Variants in RBFOX1 observed in about 807,000 individuals in gnomAD.
The protein encoded by RBFOX1 is RNA binding fox-1 homolog 1.
In RBFOX1, 8 loss-of-function variants were observed where a neutral mutation model predicts 57.7. The ratio of observed to expected loss-of-function variants is 0.14; its 90% CI spans 0.08 to 0.25. The LOEUF (loss-of-function observed/expected upper bound fraction) is 0.25. Ranked by LOEUF, RBFOX1 falls within the 10% of genes least tolerant of loss-of-function variation. The pLI is 1.00. For missense variants in RBFOX1, 611 were observed against 548.5 expected, an observed-to-expected ratio of 1.11 and a Z score of -1.14; for synonymous variants, 326 against 222.4, an observed-to-expected ratio of 1.47 and a Z score of -4.15.
chr16:5,701,704 G>C (rs1431674209), intron 3 of RBFOX1, among the ~76,000 whole-genome samples: 1 of 152,128 alleles, frequency 6.6e-6, no homozygotes, highest in South Asian at 2.1e-4. Context: ...AAAATGCTGG[G>C]ACTACAGGTG....
intron 1 of RBFOX1, among the ~76,000 whole-genome samples, chr16:5,255,654 A>G (rs2062575139): frequency 6.6e-6 from 1 of 151,282 alleles, no homozygotes; most frequent in Non-Finnish European, 1.5e-5. Flanking sequence ...TCAACCATCC[A>G]TTCATTCGTC....
chr16:7,074,392 A>G (rs745428083), intron 4 of RBFOX1, among the ~76,000 whole-genome samples: 1 of 152,220 alleles, frequency 6.6e-6, no homozygotes, highest in Non-Finnish European at 1.5e-5. Context: ...AATTAAAATA[A>G]TGGCAAAAGC....
At chr16:7,005,434 A>G (rs1222038226) in intron 3 of RBFOX1, among the ~76,000 whole-genome samples, 4 of 152,206 alleles carry the variant, frequency 2.6e-5, no homozygotes, top group African/African-American at 9.7e-5. Context: ...AAAAAGAGAA[A>G]AGTTTCTGGG....
intron 3 of RBFOX1, among the ~76,000 whole-genome samples, chr16:5,810,058 A>C (rs2055365341): frequency 6.6e-6 from 1 of 152,162 alleles, no homozygotes; most frequent in Non-Finnish European, 1.5e-5. Context: ...CATCATTCTC[A>C]GTAAACTATC....
intron 3 of RBFOX1, among the ~76,000 whole-genome samples, chr16:6,738,079 TAAAA>T (rs60577324): frequency 7.1e-6 from 1 of 140,238 alleles, no homozygotes; most frequent in Non-Finnish European, 1.5e-5. Flanking sequence ...CGGTAATTCT[TAAAA>T]AAAAAAAAAA....
Position 7,589,912 on chromosome 16 carries a change from GGTGTGTGTGTGTGTGTGTGT to G in RBFOX1, c.468+2633_468+2652del, listed in dbSNP as rs3029164. Among the ~76,000 whole-genome samples the G allele has an allele frequency of 1.6e-4, 21 of 135,052 alleles. No individual in the cohort carries two copies. In the South Asian group the frequency reaches 4.3e-3, roughly 28 times the overall value. 88.6% of individuals were successfully genotyped at this position (135,052 alleles called of 152,430 possible). On this transcript the variant is annotated intron_variant, in intron 7 of 15. Transcript: ENST00000550418. ...TCAATGCTGAAGGCTGTGTGTGCTG[GGTGTGTGTGTGTGTGTGTGT>G]GTGTGTGTGTGTGTGTGTGTATGCG...
chr16:6,295,637 G>C (rs1192340063), intron 1 of RBFOX1, among the ~76,000 whole-genome samples: 1 of 152,198 alleles, frequency 6.6e-6, no homozygotes, highest in Non-Finnish European at 1.5e-5. Flanking sequence ...GTGTTTATGA[G>C]CGGTCTCATT....
At chr16:7,558,104 C>G (rs1170850377) in intron 5 of RBFOX1, among the ~76,000 whole-genome samples, 1 of 151,998 alleles carries the variant, frequency 6.6e-6, no homozygotes, top group Non-Finnish European at 1.5e-5. Context: ...CCTGTAATTC[C>G]AGCACTTTGG....
At chr16:7,513,146 C>T (rs1183112762) in intron 4 of RBFOX1, among the ~76,000 whole-genome samples, 3 of 152,128 alleles carry the variant, frequency 2.0e-5, no homozygotes, top group African/African-American at 7.2e-5. Context: ...GCCTGTAATC[C>T]TAGCTACTCA....
intron 3 of RBFOX1, among the ~76,000 whole-genome samples, chr16:6,670,874 C>G (rs1020046509): frequency 6.6e-6 from 1 of 151,876 alleles, no homozygotes; most frequent in Non-Finnish European, 1.5e-5. Context: ...GTGGCGGGAG[C>G]CTGTAGTCCC....
chr16:5,466,210 G>T (rs1322690861), intron 1 of RBFOX1, among the ~76,000 whole-genome samples: 1 of 152,232 alleles, frequency 6.6e-6, no homozygotes, highest in African/African-American at 2.4e-5. Flanking sequence ...GAAGAGTGAT[G>T]TGCTGGGCTC....
chr16:5,940,886 T>C (rs2059265179), intron 4 of RBFOX1, among the ~76,000 whole-genome samples: 1 of 152,172 alleles, frequency 6.6e-6, no homozygotes, highest in East Asian at 1.9e-4. Flanking sequence ...CATGTTGGGC[T>C]GTGTGTAAGA....
intron 3 of RBFOX1, among the ~76,000 whole-genome samples, chr16:6,703,315 C>T (rs4786919): frequency 0.49 from 74,983 of 151,952 alleles, 21,940 homozygotes; most frequent in Non-Finnish European, 0.63. Flanking sequence ...TAGCTTACAC[C>T]TGTGATCCAG....
intron 3 of RBFOX1, among the ~76,000 whole-genome samples, chr16:6,754,830 A>G (rs1281431883): frequency 1.3e-5 from 2 of 151,978 alleles, no homozygotes; most frequent in African/African-American, 2.4e-5. Flanking sequence ...CATTAGGTAT[A>G]TCTCCTAAAG....
intron 1 of RBFOX1, among the ~76,000 whole-genome samples, chr16:5,285,617 C>G (rs1371287196): frequency 1.3e-5 from 2 of 152,170 alleles, no homozygotes; most frequent in East Asian, 3.8e-4. Context: ...GGGGAAAGAC[C>G]TTTTCTTATA....
intron 4 of RBFOX1, among the ~76,000 whole-genome samples, chr16:7,104,573 T>G (rs1345397302): frequency 6.6e-6 from 1 of 152,116 alleles, no homozygotes; most frequent in Admixed American, 6.6e-5. Context: ...GGGCTGAAAA[T>G]GTTGGGCTTC....
rs2087481904 is a variant in RBFOX1 at position 7,554,024 on chromosome 16, G to A, written c.271-25753G>A. Reference sequence around the variant, plus strand: ...TTTGGGAGGCTGCAGTGAGGGGATCGCTTGAGCCCAGGAGGTCGAGGCTGC... The same window carrying A: ...TTTGGGAGGCTGCAGTGAGGGGATCACTTGAGCCCAGGAGGTCGAGGCTGC... On this transcript the variant is annotated intron_variant, in intron 5 of 15. Coordinates refer to ENST00000550418, the MANE Select transcript of RBFOX1 (RefSeq NM_018723.4). Among the ~76,000 whole-genome samples the A allele has an allele frequency of 1.3e-5, 2 of 152,228 alleles. 1 individual carries two copies. The highest frequency in any genetic ancestry group is 4.2e-4 in the South Asian group (2 of 4,814).
chr16:5,308,114 C>T (rs887264116), intron 1 of RBFOX1, among the ~76,000 whole-genome samples: 3 of 151,988 alleles, frequency 2.0e-5, no homozygotes, highest in African/African-American at 4.8e-5. Context: ...CTGAGGTGGG[C>T]GGATTACTTG....
chr16:6,536,523 C>G (rs1214839682), intron 2 of RBFOX1, among the ~76,000 whole-genome samples: 1 of 151,486 alleles, frequency 6.6e-6, no homozygotes, highest in East Asian at 1.9e-4. Flanking sequence ...TTTAAATTAG[C>G]TCTGTCACAA....
Sources: allele counts gnomAD v4.1 joint callset (sites outside exome capture counted in the v4.1 genomes callset), GRCh38; gene constraint gnomAD v4.1.1; transcripts MANE v1.5; gene names NCBI Gene and HGNC (gene_info 2026-07-23, HGNC 2026-07-21).